OPRM1: variants seen among roughly 807,000 people sequenced by gnomAD.
The protein encoded by OPRM1 is opioid receptor mu 1.
In OPRM1, 27 loss-of-function variants were observed where a neutral mutation model predicts 31.8. The ratio of observed to expected loss-of-function variants is 0.85; its 90% confidence interval spans 0.63 to 1.17. OPRM1 has a LOEUF of 1.17. Among genes scored for constraint, OPRM1 ranks in the 50% most tolerant of loss-of-function variants. The probability of loss-of-function intolerance (pLI) is 0.00; values close to 1 mark genes in which losing one functional copy is unlikely to be tolerated. For synonymous variants in OPRM1, 196 were observed against 189.9 expected, an observed-to-expected ratio of 1.03 and a Z score of -0.26; for missense variants, 536 against 511.1, an observed-to-expected ratio of 1.05 and a Z score of -0.47.
chr6:154,240,387 T>A (rs1780483909), intron 3 of OPRM1, among the ~76,000 whole-genome samples: 1 of 152,284 alleles, frequency 6.6e-6, no homozygotes, highest in East Asian at 1.9e-4. Context: ...CCTATAAAAT[T>A]TTTTTGAATC....
chr6:154,216,810 G>C (rs1419043364), intron 3 of OPRM1: 1 of 152,396 alleles, frequency 6.6e-6, no homozygotes, highest in African/African-American at 2.4e-5. Context: ...AGAGGTTGCA[G>C]TGAGTTGAGA....
intron 1 of OPRM1, chr6:154,086,927 A>G (rs1167761155): frequency 4.1e-6 from 4 of 984,150 alleles, no homozygotes; most frequent in Non-Finnish European, 4.8e-6. Flanking sequence ...ACCAAGGTCA[A>G]TTATTCTAAA....
intron 3 of OPRM1, among the ~76,000 whole-genome samples, chr6:154,230,041 G>A (rs955886114): frequency 1.3e-5 from 2 of 152,168 alleles, no homozygotes; most frequent in Non-Finnish European, 2.9e-5. Flanking sequence ...AAAGCAGGAC[G>A]GTGGTTGCCT....
chr6:154,118,680 C>G lies in OPRM1; in HGVS notation c.1165-3C>G, dbSNP rs1583618663. ...ACTGTCTTTGCTCTTTCTCTCCTTTCAGCTAGAAAATCTGGAAGCAGAAAC... is the reference window on the plus strand; with the variant it reads ...ACTGTCTTTGCTCTTTCTCTCCTTTGAGCTAGAAAATCTGGAAGCAGAAAC... On this transcript the variant is annotated splice_region_variant and splice_polypyrimidine_tract_variant and intron_variant, in intron 3 of 3. Transcript: ENST00000330432. The G allele has an allele frequency of 1.2e-6, 2 of 1,613,156 alleles. No individual in the cohort carries two copies. Among genetic ancestry groups the G allele is most frequent in the South Asian group, 1.1e-5 (1 of 91,046 alleles).
chr6:154,036,049 T>C (rs1253243094), upstream of OPRM1, among the ~76,000 whole-genome samples: 2 of 152,068 alleles, frequency 1.3e-5, no homozygotes, highest in African/African-American at 4.8e-5. Context: ...AGACTTGAAC[T>C]TTCACAACAG....
intron 1 of OPRM1, among the ~76,000 whole-genome samples, chr6:154,041,630 TA>T (rs1294140216): frequency 5.4e-5 from 8 of 146,918 alleles, no homozygotes; most frequent in Middle Eastern, 3.2e-3. Context: ...CTAGCTAACA[TA>T]TTTTTTTTTT....
intron 1 of OPRM1, among the ~76,000 whole-genome samples, chr6:154,013,037 G>A (rs1006749402): frequency 1.3e-5 from 2 of 152,080 alleles, no homozygotes; most frequent in African/African-American, 4.8e-5. Context: ...GCAGGGCTGG[G>A]GGGGTACACA....
chr6:154,197,903 T>G (rs1776747420), intron 3 of OPRM1, among the ~76,000 whole-genome samples: 1 of 152,206 alleles, frequency 6.6e-6, no homozygotes. Flanking sequence ...AGGAGAAAAA[T>G]AATAGATGTA....
chr6:154,192,573 C>T (rs761055738), intron 3 of OPRM1, among the ~76,000 whole-genome samples: 1 of 151,958 alleles, frequency 6.6e-6, no homozygotes, highest in Non-Finnish European at 1.5e-5. Flanking sequence ...AGTAAACAAG[C>T]AACCCAGAGA....
Position 154,141,233 on chromosome 6 carries a change from G to A in OPRM1, c.1164+49761G>A, listed in dbSNP as rs141221584. On this transcript the variant is annotated intron_variant, in intron 3 of 3. Transcript: ENST00000337049. ...CCCTGATGCTCAGTACATGGGCAGC[G>A]CGTGTTAATGTTATAAATCACCCGC... is the stretch of plus-strand genomic sequence containing the variant. Among the ~76,000 whole-genome samples, 404 of 152,296 alleles carry A rather than the reference G, an allele frequency of 2.7e-3. 6 individuals carry two copies. The highest frequency in any genetic ancestry group is 1.3e-3 in the Non-Finnish European group (86 of 68,028).
intron 3 of OPRM1, chr6:154,110,377 C>T: frequency 6.7e-7 from 1 of 1,490,690 alleles, no homozygotes; most frequent in East Asian, 2.5e-5. Flanking sequence ...TTTCAAAAGT[C>T]ATCTTTACTC....
chr6:154,036,794 AATGGCATAAAATATATGCTAATC>A, upstream of OPRM1, among the ~76,000 whole-genome samples: 1 of 151,976 alleles, frequency 6.6e-6, no homozygotes, highest in East Asian at 1.9e-4. Flanking sequence ...ATCTGGGTAT[AATGGCATAAAATATATGCTAATC>A]ATTTTTTCAA....
intron 3 of OPRM1, chr6:154,212,981 T>G: frequency 1.4e-6 from 1 of 695,462 alleles, no homozygotes; most frequent in East Asian, 2.7e-5. Flanking sequence ...TCATATCTAA[T>G]GAACTACCTG....
At chr6:154,167,966 A>G (rs1799570348) in intron 3 of OPRM1, 1 of 1,606,984 alleles carries the variant, frequency 6.2e-7, no homozygotes, top group South Asian at 1.1e-5. Flanking sequence ...TTTCTCGTTT[A>G]TAGATGGATT....
At chr6:154,210,047 G>A (rs1197287854) in intron 3 of OPRM1, among the ~76,000 whole-genome samples, 1 of 152,094 alleles carries the variant, frequency 6.6e-6, no homozygotes, top group African/African-American at 2.4e-5. Context: ...AGTATTCCCT[G>A]AACTTCTATT....
intron 3 of OPRM1, among the ~76,000 whole-genome samples, chr6:154,195,655 CCT>C (rs946832011): frequency 1.3e-5 from 2 of 152,138 alleles, no homozygotes; most frequent in African/African-American, 4.8e-5. Context: ...CTCTTTTAAA[CCT>C]CTCTCTGGAG....
At chr6:154,010,500 TC>T (rs1777669896) in exon 1 of OPRM1, 1 of 1,541,152 alleles carries the variant, frequency 6.5e-7, no homozygotes, top group African/African-American at 1.4e-5. Context: ...TTGTTTGTCT[TC>T]CTGTAAAGAA....
At chr6:154,231,515 C>T (rs1779716578) in intron 3 of OPRM1, among the ~76,000 whole-genome samples, 1 of 152,240 alleles carries the variant, frequency 6.6e-6, no homozygotes, top group South Asian at 2.1e-4. Context: ...CAGTTGAATA[C>T]ACTGTGGTAT....
intron 1 of OPRM1, among the ~76,000 whole-genome samples, chr6:154,016,775 C>G (rs777722105): frequency 8.5e-5 from 13 of 152,150 alleles, no homozygotes; most frequent in Non-Finnish European, 1.8e-4. Context: ...AAAACACATA[C>G]GTGTGGACTG....
Sources: allele counts gnomAD v4.1 joint callset (sites outside exome capture counted in the v4.1 genomes callset), GRCh38; gene constraint gnomAD v4.1.1; transcripts MANE v1.5; gene names NCBI Gene and HGNC (gene_info 2026-07-23, HGNC 2026-07-21).